Variants in ZFP2 observed in about 807,000 individuals in gnomAD.
The protein encoded by ZFP2 is ZFP2 zinc finger protein, also known as zinc finger protein ZFP2.
ZFP2 carries 33 observed loss-of-function variants against 36.1 expected under a neutral mutation model. That is an observed-to-expected ratio of 0.92 (90% CI 0.69 to 1.22). ZFP2 has a LOEUF of 1.22. ZFP2 is among the 50% of genes most tolerant of loss of function. The pLI is 0.00. For missense variants in ZFP2, 522 were observed against 551.4 expected, an observed-to-expected ratio of 0.95 and a Z score of 0.53; for synonymous variants, 170 against 178.0, an observed-to-expected ratio of 0.96 and a Z score of 0.36.
At chr5:178,911,447 CCT>C (rs1305143312) in intron 1 of ZFP2, among the ~76,000 whole-genome samples, 28 of 152,298 alleles carry the variant, frequency 1.8e-4, no homozygotes, top group African/African-American at 5.8e-4. Context: ...CTTCGCCACC[CCT>C]GAGACAGCAA....
chr5:178,917,402 G>A (rs1758455022), intron 4 of ZFP2, among the ~76,000 whole-genome samples: 1 of 152,164 alleles, frequency 6.6e-6, no homozygotes, highest in Admixed American at 6.5e-5. Context: ...ATCTCTTGAG[G>A]TCAAGAGTTC....
Position 178,929,419 on chromosome 5 carries a change from C to A in ZFP2, c.-77-1818C>A, listed in dbSNP as rs115207458. Among the ~76,000 whole-genome samples, 239 of 152,278 alleles carry A rather than the reference C, an allele frequency of 1.6e-3. 1 individual carries two copies. The highest frequency in any genetic ancestry group is 5.6e-3 in the African/African-American group (233 of 41,548). The stretch of plus-strand genomic sequence containing the variant: ...GAGCATAGATTGTTAGCAGACAACC[C>A]ACCTCTTGTGTGCTTTGCTGCTTAG... On this transcript the variant is annotated intron_variant, in intron 4 of 4. Coordinates refer to ENST00000361362, the MANE Select transcript of ZFP2 (RefSeq NM_030613.4).
intron 4 of ZFP2, among the ~76,000 whole-genome samples, chr5:178,920,453 A>G (rs1758535851): frequency 6.6e-6 from 1 of 152,164 alleles, no homozygotes; most frequent in Non-Finnish European, 1.5e-5. Context: ...CCTGGCCAAC[A>G]TAGTGAAACC....
intron 1 of ZFP2, among the ~76,000 whole-genome samples, chr5:178,903,335 A>G (rs1413536974): frequency 6.6e-6 from 1 of 152,150 alleles, no homozygotes; most frequent in Non-Finnish European, 1.5e-5. Context: ...ATTTTTTTGA[A>G]TATAAATATT....
chr5:178,911,720 C>T (rs1378667011), intron 1 of ZFP2, among the ~76,000 whole-genome samples: 4 of 152,178 alleles, frequency 2.6e-5, no homozygotes, highest in Admixed American at 6.5e-5. Flanking sequence ...TCTCCCTTTT[C>T]CTTATTTACA....
chr5:178,927,909 A>C (rs957220645), intron 4 of ZFP2, among the ~76,000 whole-genome samples: 1 of 151,600 alleles, frequency 6.6e-6, no homozygotes, highest in African/African-American at 2.4e-5. Flanking sequence ...CATTAGTGCC[A>C]GCATCTGCTT....
chr5:178,928,859 GC>G, intron 4 of ZFP2, among the ~76,000 whole-genome samples: 1 of 152,236 alleles, frequency 6.6e-6, no homozygotes, highest in Non-Finnish European at 1.5e-5. Flanking sequence ...TGTGGCCTCT[GC>G]CCCTGCAGCA....
At chr5:178,924,832 G>A (rs986621708) in intron 4 of ZFP2, among the ~76,000 whole-genome samples, 1 of 148,108 alleles carries the variant, frequency 6.8e-6, no homozygotes, top group African/African-American at 2.4e-5. Context: ...TGGGCGACAA[G>A]AGCAAAACTC....
chr5:178,899,654 AC>A, intron 1 of ZFP2, among the ~76,000 whole-genome samples: 1 of 152,226 alleles, frequency 6.6e-6, no homozygotes, highest in African/African-American at 2.4e-5. Context: ...CACAATCAAA[AC>A]TTTCCTAGGA....
At chr5:178,903,214 A>G (rs1010534766) in intron 1 of ZFP2, among the ~76,000 whole-genome samples, 1 of 152,272 alleles carries the variant, frequency 6.6e-6, no homozygotes, top group African/African-American at 2.4e-5. Flanking sequence ...ATGCAACATT[A>G]GAGCTGTTTT....
intron 4 of ZFP2, among the ~76,000 whole-genome samples, chr5:178,926,896 C>G (rs1415114199): frequency 6.6e-6 from 1 of 152,088 alleles, no homozygotes; most frequent in Non-Finnish European, 1.5e-5. Context: ...GGAAGTGGAG[C>G]CTGGTTGTCT....
intron 3 of ZFP2, 122 bp downstream of exon 3, chr5:178,913,193 G>A (rs563267734): frequency 2.7e-5 from 10 of 370,612 alleles, no homozygotes; most frequent in East Asian, 1.6e-4. Context: ...TGACACCTCC[G>A]CATTACTGAT....
chr5:178,909,902 C>G, intron 1 of ZFP2: 2 of 1,526,368 alleles, frequency 1.3e-6, no homozygotes, highest in African/African-American at 1.4e-5. Context: ...TCCAAGAGTC[C>G]CGGGAGATGC....
intron 1 of ZFP2, among the ~76,000 whole-genome samples, chr5:178,901,257 A>G (rs1472127552): frequency 1.3e-5 from 2 of 152,238 alleles, no homozygotes; most frequent in Non-Finnish European, 2.9e-5. Context: ...ACCATTGTAC[A>G]TTCCCTCCTG....
intron 1 of ZFP2, chr5:178,910,074 TAGAGA>T (rs1758259123): frequency 6.8e-6 from 10 of 1,476,108 alleles, no homozygotes; most frequent in Non-Finnish European, 8.5e-6. Context: ...TGTAAACTGG[TAGAGA>T]TCCTTGAATT....
At chr5:178,927,828 A>G (rs1758722684) in intron 4 of ZFP2, among the ~76,000 whole-genome samples, 1 of 151,664 alleles carries the variant, frequency 6.6e-6, no homozygotes, top group South Asian at 2.1e-4. Flanking sequence ...TGAGCCACCA[A>G]GCCTGGCTGA....
intron 4 of ZFP2, chr5:178,922,199 G>A (rs1453791622): frequency 1.1e-5 from 12 of 1,100,194 alleles, no homozygotes; most frequent in East Asian, 4.7e-5. Context: ...ATGGTTGTGC[G>A]TCTGTTCTGG....
chr5:178,906,587 A>G (rs12653764), intron 1 of ZFP2, among the ~76,000 whole-genome samples: 73,386 of 151,538 alleles, frequency 0.48, 17,995 homozygotes, highest in Middle Eastern at 0.54. Flanking sequence ...ACAGAGTCTC[A>G]CTCTGTTGCC....
chr5:178,909,670 C>T lies in ZFP2; in HGVS notation c.-449-2914C>T, dbSNP rs147425198. On this transcript the variant is annotated intron_variant, in intron 1 of 4. Coordinates refer to ENST00000361362, the MANE Select transcript of ZFP2 (RefSeq NM_030613.4). ...AATTCCTCAGTTGGCTGCAGGGCAGCGGGCAGATCCTTGCTGCTGCTCCTG... is the reference window on the plus strand; with the variant it reads ...AATTCCTCAGTTGGCTGCAGGGCAGTGGGCAGATCCTTGCTGCTGCTCCTG... The T allele has an allele frequency of 1.1e-4, 164 of 1,455,168 alleles. No individual in the cohort carries two copies. The African/African-American group carries it at 2.0e-3, about 18-fold the overall frequency. 90.1% of individuals were successfully genotyped at this position (1,455,168 alleles called of 1,614,324 possible). A position where few individuals can be genotyped will look rare whatever the true frequency, so the allele number is the denominator to read the frequency against.
Sources: allele counts gnomAD v4.1 joint callset (sites outside exome capture counted in the v4.1 genomes callset), GRCh38; gene constraint gnomAD v4.1.1; transcripts MANE v1.5; gene names NCBI Gene and HGNC (gene_info 2026-07-23, HGNC 2026-07-21).